EHBP1: variants seen among roughly 807,000 people sequenced by gnomAD.
EHBP1 encodes the protein EH domain-binding protein 1.
EHBP1 carries 55 observed loss-of-function variants against 144.0 expected under a neutral mutation model. That is an observed-to-expected ratio of 0.38 (90% CI 0.31 to 0.48). The LOEUF is 0.48. EHBP1 is among the 20% of genes least tolerant of loss of function. The pLI is 0.98. For synonymous variants in EHBP1, 469 were observed against 472.7 expected (o/e 0.99, Z 0.10); for missense variants, 1,200 against 1,364.2 (o/e 0.88, Z 1.90).
At chr2:62,865,927 G>A (rs1558820526) in intron 9 of EHBP1, among the ~76,000 whole-genome samples, 1 of 152,194 alleles carries the variant, frequency 6.6e-6, no homozygotes. Context: ...TGTATGAGGA[G>A]CACTACTCTG....
At chr2:62,925,795 A>T (rs1368392626) in intron 10 of EHBP1, among the ~76,000 whole-genome samples, 1 of 152,160 alleles carries the variant, frequency 6.6e-6, no homozygotes, top group African/African-American at 2.4e-5. Context: ...AACCTCATGG[A>T]TCAGATGAAT....
At chr2:62,883,740 G>T (rs2152884651) in intron 10 of EHBP1, among the ~76,000 whole-genome samples, 1 of 152,256 alleles carries the variant, frequency 6.6e-6, no homozygotes, top group Middle Eastern at 3.4e-3. Context: ...GAGGCAGGAG[G>T]ATTGCTTGAG....
chr2:62,755,483 G>A (rs950771783), intron 3 of EHBP1, among the ~76,000 whole-genome samples: 10 of 152,016 alleles, frequency 6.6e-5, no homozygotes, highest in Admixed American at 4.6e-4. Context: ...GTGTCTTTGG[G>A]GAAAAGTATT....
At chr2:62,747,336 T>C (rs1248821028) in intron 2 of EHBP1, 59 bp from the exon 3 acceptor site, 35 of 1,535,070 alleles carry the variant, frequency 2.3e-5, no homozygotes, top group Non-Finnish European at 2.5e-5. Flanking sequence ...TTAAAGGCGC[T>C]AAAATGAAAC....
intron 19 of EHBP1, among the ~76,000 whole-genome samples, chr2:63,013,288 T>C (rs1185242020): frequency 3.3e-5 from 5 of 152,210 alleles, no homozygotes; most frequent in Non-Finnish European, 4.4e-5. Flanking sequence ...TAATCTACTT[T>C]AGGTTCTGAC....
chr2:62,775,923 G>A (rs904204606), intron 5 of EHBP1, among the ~76,000 whole-genome samples: 4 of 152,160 alleles, frequency 2.6e-5, no homozygotes, highest in African/African-American at 9.7e-5. Context: ...TAAGAAAGAT[G>A]AAAAGAGATC....
chr2:62,752,169 T>A (rs2039797552), intron 3 of EHBP1, among the ~76,000 whole-genome samples: 1 of 152,206 alleles, frequency 6.6e-6, no homozygotes, highest in African/African-American at 2.4e-5. Context: ...TCCCAGAGAT[T>A]CTGGTATGTT....
At chr2:62,728,430 A>G (rs1369224904) in intron 2 of EHBP1, among the ~76,000 whole-genome samples, 3 of 152,158 alleles carry the variant, frequency 2.0e-5, no homozygotes, top group East Asian at 3.9e-4. Flanking sequence ...TATTTTAGCC[A>G]TTTAAGTACA....
At chr2:62,993,735 A>G in intron 17 of EHBP1, 67 bp downstream of exon 17, 2 of 706,216 alleles carry the variant, frequency 2.8e-6, no homozygotes, top group East Asian at 4.3e-5. Flanking sequence ...TATATATAGT[A>G]TATATATATA....
At chr2:62,924,862 T>A (rs2055367897) in intron 10 of EHBP1, among the ~76,000 whole-genome samples, 1 of 152,148 alleles carries the variant, frequency 6.6e-6, no homozygotes, top group South Asian at 2.1e-4. Context: ...GAGGCCAGCA[T>A]AACATTGACA....
chr2:62,987,066 C>T (rs1468650348), intron 15 of EHBP1, among the ~76,000 whole-genome samples: 1 of 151,992 alleles, frequency 6.6e-6, no homozygotes, highest in South Asian at 2.1e-4. Context: ...AGGTACATTG[C>T]CTGTCTGTTG....
intron 19 of EHBP1, among the ~76,000 whole-genome samples, chr2:63,031,492 A>G (rs2061244916): frequency 6.6e-6 from 1 of 152,174 alleles, no homozygotes; most frequent in Admixed American, 6.5e-5. Flanking sequence ...TGGAGTTCTG[A>G]GTGTTTTAAC....
chr2:63,004,472 T>C lies in EHBP1; in HGVS notation c.3103+7706T>C, dbSNP rs549354081. On this transcript the variant is annotated intron_variant, in intron 19 of 22. Transcript: ENST00000431489. ...ATGGTCTAATACCAAATGACAGTGA[T>C]TGGTAACAACACACCTATCAAGTAT... Among the ~76,000 whole-genome samples, 6 of 152,202 alleles carry C rather than the reference T, an allele frequency of 3.9e-5. No individual in the cohort carries two copies. The South Asian group carries it at 1.2e-3, about 32-fold the overall frequency.
intron 7 of EHBP1, among the ~76,000 whole-genome samples, chr2:62,834,850 G>A (rs1207758547): frequency 2.6e-5 from 4 of 152,184 alleles, no homozygotes; most frequent in East Asian, 3.8e-4. Context: ...ATGTGGGTTC[G>A]GAAGGGCCTG....
intron 6 of EHBP1, among the ~76,000 whole-genome samples, chr2:62,828,211 T>C (rs1400049014): frequency 6.6e-6 from 1 of 152,226 alleles, no homozygotes; most frequent in Non-Finnish European, 1.5e-5. Flanking sequence ...TAACGGCGTA[T>C]TAAGCATTAC....
At chr2:62,722,798 T>TA (rs1196841071) in intron 2 of EHBP1, among the ~76,000 whole-genome samples, 2 of 152,226 alleles carry the variant, frequency 1.3e-5, no homozygotes, top group African/African-American at 4.8e-5. Flanking sequence ...TACTTTGCAG[T>TA]AATACCAAAG....
chr2:62,719,132 A>G (rs1252886980), intron 2 of EHBP1, among the ~76,000 whole-genome samples: 1 of 151,710 alleles, frequency 6.6e-6, no homozygotes, highest in African/African-American at 2.4e-5. Context: ...CGCCCGGCTA[A>G]TTTTTTGTAT....
intron 7 of EHBP1, among the ~76,000 whole-genome samples, chr2:62,856,761 G>A (rs1357684756): frequency 1.3e-5 from 2 of 152,220 alleles, no homozygotes; most frequent in East Asian, 1.9e-4. Flanking sequence ...CATCCTGTTG[G>A]AAGAATGGTG....
At chr2:63,021,949 G>A (rs755051036) in intron 19 of EHBP1, among the ~76,000 whole-genome samples, 4 of 151,978 alleles carry the variant, frequency 2.6e-5, no homozygotes, top group Non-Finnish European at 4.4e-5. Context: ...TGTATTTTTA[G>A]TAGAGACGGG....
Sources: gnomAD v4.1 joint callset for allele counts (sites outside exome capture counted in the v4.1 genomes callset) on GRCh38, gnomAD v4.1.1 for gene constraint, MANE v1.5 for transcripts, NCBI Gene and HGNC (gene_info 2026-07-23, HGNC 2026-07-21) for gene names.